Variants in CUX1 observed in about 807,000 individuals in gnomAD.
The protein encoded by CUX1 is protein CASP.
Under a neutral mutation model 158.8 loss-of-function variants are expected in CUX1, and 31 were observed. The observed-to-expected ratio is 0.20, with a 90% confidence interval of 0.15 to 0.26. CUX1 has a LOEUF of 0.26. CUX1 is among the 10% of genes least tolerant of loss of function. The pLI is 1.00. For missense variants in CUX1, 1,589 were observed against 2,014.6 expected, an observed-to-expected ratio of 0.79 and a Z score of 4.04; for synonymous variants, 879 against 862.1, an observed-to-expected ratio of 1.02 and a Z score of -0.34.
intron 5 of CUX1, among the ~76,000 whole-genome samples, chr7:102,098,798 G>A (rs1044614871): frequency 3.0e-5 from 4 of 132,972 alleles, no homozygotes; most frequent in African/African-American, 1.1e-4. Context: ...CCGCCACCAC[G>A]CCCAACTAAT....
At chr7:102,245,725 A>C (rs1282504815) in intron 23 of CUX1, among the ~76,000 whole-genome samples, 1 of 152,196 alleles carries the variant, frequency 6.6e-6, no homozygotes, top group African/African-American at 2.4e-5. Context: ...TAATCCCAGC[A>C]CTTTGGGAGG....
At chr7:102,272,535 C>A (rs1554546489) in intron 14 of CUX1, among the ~76,000 whole-genome samples, 2 of 152,206 alleles carry the variant, frequency 1.3e-5, no homozygotes, top group Non-Finnish European at 2.9e-5. Context: ...CCATTTGGGA[C>A]CAGAAAGGGG....
Position 102,200,136 on chromosome 7 carries a change from G to C in CUX1, c.2026G>C (p.Glu676Gln), listed in dbSNP as rs782391460. The change falls in exon 17 of 24, where the codon GAG (glutamate) becomes CAG (glutamine). Residue 676 changes from glutamate to glutamine, a missense_variant. Transcript: ENST00000292535. ...GSDEAIKSIL[E>Q]QAKRELQVQK... ...TGATGAAGCCATCAAGTCCATCCTA[G>C]AGCAAGCCAAGAGGGAGCTCCAAGT... The C allele has an allele frequency of 2.5e-6, 4 of 1,613,100 alleles. No homozygotes were observed. Among genetic ancestry groups the C allele is most frequent in the Non-Finnish European group, 2.5e-6 (3 of 1,179,654 alleles).
intron 3 of CUX1, among the ~76,000 whole-genome samples, chr7:102,037,196 A>G (rs199805095): frequency 1.8e-5 from 1 of 55,906 alleles, no homozygotes; most frequent in Non-Finnish European, 5.1e-5. Flanking sequence ...TCCTGTCTCA[A>G]ACAGACAGGC....
chr7:102,253,058 C>T lies in CUX1; in HGVS notation c.*4016C>T. The stretch of plus-strand genomic sequence containing the variant: ...GAGGCAAAAGATACCAGTCGACAGC[C>T]TCCCTGGGGTAGATCCCTTGTACCT... On this transcript the variant is annotated 3_prime_UTR_variant, in exon 24 of 24. Transcript: ENST00000292535. 1.3e-5 allele frequency: 13 copies of T among 985,484 alleles called. No individual in the cohort carries two copies. The highest frequency in any genetic ancestry group is 1.6e-5 in the Non-Finnish European group (13 of 829,938). 61.0% of individuals were successfully genotyped at this position (985,484 alleles called of 1,614,324 possible).
At chr7:102,000,339 C>T (rs1383169449) in intron 2 of CUX1, among the ~76,000 whole-genome samples, 3 of 152,216 alleles carry the variant, frequency 2.0e-5, no homozygotes, top group Non-Finnish European at 4.4e-5. Flanking sequence ...AGCAATCGGA[C>T]TCTGGATGCC....
chr7:102,124,076 T>G (rs1364469149), intron 8 of CUX1, among the ~76,000 whole-genome samples: 1 of 152,216 alleles, frequency 6.6e-6, no homozygotes, highest in African/African-American at 2.4e-5. Context: ...ATTTAAGAGA[T>G]CCTTAAAGTT....
At chr7:102,120,441 C>G (rs1403547668) in intron 8 of CUX1, among the ~76,000 whole-genome samples, 5 of 152,180 alleles carry the variant, frequency 3.3e-5, no homozygotes, top group African/African-American at 1.2e-4. Context: ...TTGCACCTCC[C>G]AAACCTTTCC....
intron 9 of CUX1, among the ~76,000 whole-genome samples, chr7:102,161,959 G>C (rs1257634687): frequency 6.6e-6 from 1 of 152,142 alleles, no homozygotes; most frequent in Admixed American, 6.5e-5. Context: ...CAGCTCCTTG[G>C]AGTGCATTCA....
chr7:102,233,792 A>C (rs1386756311), intron 21 of CUX1, among the ~76,000 whole-genome samples: 6 of 152,170 alleles, frequency 3.9e-5, no homozygotes, highest in African/African-American at 7.2e-5. Flanking sequence ...ATCTCAAAAA[A>C]ATAATAATAA....
chr7:101,846,043 C>T lies in CUX1; in HGVS notation c.30+28374C>T, dbSNP rs189046795. ...AGAAAAAATGCAGGCTCTCAGGCCC[C>T]ACCCCAGGCCTCCTGAGACAGAATC... On this transcript the variant is annotated intron_variant, in intron 1 of 23. Coordinates refer to ENST00000292535, the MANE Select transcript of CUX1 (RefSeq NM_181552.4). Among the ~76,000 whole-genome samples, 212 of 152,148 alleles carry T rather than the reference C, an allele frequency of 1.4e-3. 1 individual carries two copies. Among genetic ancestry groups the T allele is most frequent in the Non-Finnish European group, 1.9e-3 (128 of 68,002 alleles).
In CUX1 at chr7:102,129,453, A is replaced by G. The variant is rs1284650670; in HGVS notation, c.674+14180A>G. On this transcript the variant is annotated intron_variant, in intron 8 of 23. Transcript: ENST00000292535. ...AATCCCAGCACTTTGGGAGGCCAAG[A>G]TGGGCAGATCACTTGAGGTCAGGAG... is the stretch of plus-strand genomic sequence containing the variant. Among the ~76,000 whole-genome samples the G allele has an allele frequency of 5.3e-5, 8 of 152,182 alleles. No homozygotes were observed. In the East Asian group the frequency reaches 1.4e-3, roughly 26 times the overall value.
At chr7:102,266,155 G>A (rs1696210675) in intron 14 of CUX1, among the ~76,000 whole-genome samples, 2 of 146,970 alleles carry the variant, frequency 1.4e-5, no homozygotes, top group Admixed American at 7.0e-5. Flanking sequence ...AGTGAGTTGA[G>A]ATCATGCCAC....
intron 3 of CUX1, among the ~76,000 whole-genome samples, chr7:102,031,097 C>A (rs1585343132): frequency 6.6e-6 from 1 of 152,114 alleles, no homozygotes; most frequent in Admixed American, 6.6e-5. Context: ...CTTGCTCTGT[C>A]CCCCAGGCTG....
At chr7:101,980,654 CAG>C (rs924921865) in intron 2 of CUX1, among the ~76,000 whole-genome samples, 13 of 152,328 alleles carry the variant, frequency 8.5e-5, no homozygotes, top group African/African-American at 2.6e-4. Context: ...GCTTCTGACT[CAG>C]GGGAGAGTGC....
At chr7:101,982,725 T>C (rs1813592587) in intron 2 of CUX1, among the ~76,000 whole-genome samples, 1 of 152,106 alleles carries the variant, frequency 6.6e-6, no homozygotes. Flanking sequence ...ACAGGGACTT[T>C]TTTTTTTTTA....
chr7:102,264,238 T>A (rs1335063604), intron 14 of CUX1, among the ~76,000 whole-genome samples: 1 of 151,906 alleles, frequency 6.6e-6, no homozygotes, highest in Non-Finnish European at 1.5e-5. Flanking sequence ...ACTCCTGACC[T>A]CAGGTGATCC....
chr7:101,946,127 A>C (rs1178634778), intron 2 of CUX1, among the ~76,000 whole-genome samples: 1 of 152,064 alleles, frequency 6.6e-6, no homozygotes, highest in African/African-American at 2.4e-5. Context: ...ATGTGTGGAC[A>C]GACAGAGTAG....
intron 8 of CUX1, among the ~76,000 whole-genome samples, chr7:102,131,191 G>GCCCAAATGTAATTAGAAAT (rs2131303979): frequency 6.6e-6 from 1 of 151,668 alleles, no homozygotes; most frequent in South Asian, 2.1e-4. Context: ...TCCGTGGAAA[G>GCCCAAATGTAATTAGAAAT]CCCAAATGTA....
Sources: allele counts gnomAD v4.1 joint callset (sites outside exome capture counted in the v4.1 genomes callset), GRCh38; gene constraint gnomAD v4.1.1; transcripts MANE v1.5; gene names NCBI Gene and HGNC (gene_info 2026-07-23, HGNC 2026-07-21).